The following GEMIN2 variants were observed in gnomAD, a reference collection of about 807,000 sequenced individuals.
GEMIN2 encodes the protein gem-associated protein 2.
In GEMIN2, 37 loss-of-function variants were observed where a neutral mutation model predicts 45.8. The ratio of observed to expected loss-of-function variants is 0.81; its 90% CI spans 0.62 to 1.06. The LOEUF is 1.06. Ranked by LOEUF, GEMIN2 falls within the 50% of genes least tolerant of loss-of-function variation. The pLI, the probability that GEMIN2 is intolerant of heterozygous loss-of-function variation, is 0.00. For missense variants in GEMIN2, 335 were observed against 321.8 expected (o/e 1.04, Z -0.31); for synonymous variants, 101 against 111.5 (o/e 0.91, Z 0.60).
Position 39,119,141 on chromosome 14 carries a change from A to G in GEMIN2, c.372+542A>G, listed in dbSNP as rs561115015. On this transcript the variant is annotated intron_variant, in intron 4 of 9. Coordinates refer to ENST00000308317, the MANE Select transcript of GEMIN2 (RefSeq NM_003616.3). Reference sequence around the variant, plus strand: ...GATAGGTGACTGTGAAACTTCCACAAGTTTTTAAGGATTCTTCTAGACATT... The same window carrying G: ...GATAGGTGACTGTGAAACTTCCACAGGTTTTTAAGGATTCTTCTAGACATT... Among the ~76,000 whole-genome samples the G allele has an allele frequency of 2.0e-5, 3 of 152,286 alleles. No homozygotes were observed. The East Asian group carries it at 5.8e-4, about 29-fold the overall frequency.
At chr14:39,119,772 C>T (rs549710642) in intron 4 of GEMIN2, among the ~76,000 whole-genome samples, 1 of 152,316 alleles carries the variant, frequency 6.6e-6, no homozygotes, top group East Asian at 1.9e-4. Flanking sequence ...GGAAGCTCTG[C>T]TCCAGGAAAA....
rs114465589 is a variant in GEMIN2, at chr14:39,122,331, C to T, written c.373-99C>T. On this transcript the variant is annotated intron_variant, in intron 4 of 9. Coordinates refer to ENST00000308317, the MANE Select transcript of GEMIN2 (RefSeq NM_003616.3). ...TAACTGGCTCCGTATCTTTGGGTTG[C>T]GGTAATGGGAATATGGAAGGACTTA... 5.0e-3 allele frequency: 3,185 copies of T among 635,250 alleles called. 71 individuals are homozygous for T. Among genetic ancestry groups the T allele is most frequent in the African/African-American group, 0.05 (2,670 of 53,288 alleles). The allele number at this position is 635,250 out of a possible 1,614,324, so 39.4% of individuals were successfully genotyped here.
Position 39,128,277 on chromosome 14 carries a change from TAG to T in GEMIN2, c.532-2_532-1del. The T allele has an allele frequency of 6.6e-7, 1 of 1,517,406 alleles. No individual in the cohort carries two copies. Among genetic ancestry groups the T allele is most frequent in the South Asian group, 1.2e-5 (1 of 85,544 alleles). 94.0% of individuals were successfully genotyped at this position (1,517,406 alleles called of 1,614,324 possible). ...CTTCTCCACCCCCTCTTTTTTTTTTTAGGCAACAGTAACTAGTGTCTTGGAAT... is the reference window on the plus strand; with the variant it reads ...CTTCTCCACCCCCTCTTTTTTTTTTTGCAACAGTAACTAGTGTCTTGGAAT... On this transcript the variant is annotated splice_acceptor_variant, in intron 6 of 9. Transcript: ENST00000308317. LOFTEE classifies it high-confidence loss of function.
Position 39,122,409 on chromosome 14 carries a change from GT to G in GEMIN2, c.373-8del, listed in dbSNP as rs60205535. On this transcript the variant is annotated intron_variant, in intron 4 of 9. Coordinates refer to ENST00000308317, the MANE Select transcript of GEMIN2 (RefSeq NM_003616.3). Reference sequence around the variant, plus strand: ...AAAATTAATACACAGGAATAAATCAGTTTTTTTTTTTTTCTTTTAGCCAAAA... The same window carrying G: ...AAAATTAATACACAGGAATAAATCAGTTTTTTTTTTTTCTTTTAGCCAAAA... 8,877 of 1,018,768 alleles carry G rather than the reference GT, an allele frequency of 8.7e-3. 2 individuals carry two copies. Among genetic ancestry groups the G allele is most frequent in the Middle Eastern group, 0.014 (61 of 4,386 alleles). The allele number at this position is 1,018,768 out of a possible 1,614,324, so 63.1% of individuals were successfully genotyped here.
In GEMIN2 at chr14:39,131,968, T is replaced by A; in HGVS notation, c.611T>A (p.Leu204His). 1 of 1,560,010 alleles carries A rather than the reference T, an allele frequency of 6.4e-7. No individual in the cohort carries two copies. Among genetic ancestry groups the A allele is most frequent in the Non-Finnish European group, 8.8e-7 (1 of 1,133,006 alleles). ...RDFTPELGRW[L>H]YALLACLEKP... ...TGAATTTTTTTTTAGGGAAGATGGC[T>A]TTATGCTTTATTGGCTTGTCTTGAA... Residue 204 changes from leucine to histidine, a missense_variant, in exon 8 of 10, where the codon CTT (leucine) becomes CAT (histidine). Coordinates refer to ENST00000308317, the MANE Select transcript of GEMIN2 (RefSeq NM_003616.3).
chr14:39,122,577 A>ATTTTAAT, intron 5 of GEMIN2, 34 bp downstream of exon 5: 1 of 1,156,124 alleles, frequency 8.6e-7, no homozygotes, highest in South Asian at 1.3e-5. Context: ...AACAAAAAGC[A>ATTTTAAT]TTTTAATTTT....
At chr14:39,125,792 C>A (rs1294535640) in intron 6 of GEMIN2, among the ~76,000 whole-genome samples, 2 of 151,970 alleles carry the variant, frequency 1.3e-5, no homozygotes, top group Non-Finnish European at 2.9e-5. Context: ...GAGGTCAAGG[C>A]AGGTGGATCA....
At chr14:39,125,530 C>G (rs2052628317) in intron 6 of GEMIN2, among the ~76,000 whole-genome samples, 1 of 151,940 alleles carries the variant, frequency 6.6e-6, no homozygotes, top group South Asian at 2.1e-4. Context: ...GTCTCGAACT[C>G]CTGGCCTCAA....
At chr14:39,126,051 G>T (rs2052637164) in intron 6 of GEMIN2, among the ~76,000 whole-genome samples, 1 of 151,340 alleles carries the variant, frequency 6.6e-6, no homozygotes, top group Non-Finnish European at 1.5e-5. Flanking sequence ...TGAAATATAT[G>T]ATTTCTTGGA....
At chr14:39,114,545 T>C in intron 1 of GEMIN2, 70 bp downstream of exon 1, 2 of 1,153,552 alleles carry the variant, frequency 1.7e-6, no homozygotes, top group African/African-American at 3.1e-5. Context: ...CTCGGTGCTC[T>C]ATTCCCGTTC....
Position 39,128,485 on chromosome 14 carries a change from C to CTTTTTTTTTTTTTTT in GEMIN2, c.600+146_600+160dup, listed in dbSNP as rs71130820. The stretch of plus-strand genomic sequence containing the variant: ...ACTGCACATTTTCTTTTTTTCTTTT[C>CTTTTTTTTTTTTTTT]TTTTTTTTTTTTTTTTTTTTTTTGA... On this transcript the variant is annotated intron_variant, in intron 7 of 9. Coordinates refer to ENST00000308317, the MANE Select transcript of GEMIN2 (RefSeq NM_003616.3). 1.0e-3 allele frequency: 155 copies of CTTTTTTTTTTTTTTT among 148,456 alleles called. 1 individual carries two copies. The highest frequency in any genetic ancestry group is 3.3e-3 in the African/African-American group (62 of 18,644). The allele number at this position is 148,456 out of a possible 1,614,324, so 9.2% of individuals were successfully genotyped here.
chr14:39,136,344 T>C lies in GEMIN2; in HGVS notation c.771-96T>C, dbSNP rs562731175. ...TATAGCTTATTTAACCAGTTTCTTATTGATGGACGTTTGGGTTGCTTATGG... is the reference window on the plus strand; with the variant it reads ...TATAGCTTATTTAACCAGTTTCTTACTGATGGACGTTTGGGTTGCTTATGG... On this transcript the variant is annotated intron_variant, in intron 9 of 9. Coordinates refer to ENST00000308317, the MANE Select transcript of GEMIN2 (RefSeq NM_003616.3). The C allele has an allele frequency of 4.3e-5, 30 of 704,828 alleles. No individual in the cohort carries two copies. The East Asian group carries it at 6.7e-4, about 16-fold the overall frequency. 43.7% of individuals were successfully genotyped at this position (704,828 alleles called of 1,614,324 possible). A position where few individuals can be genotyped will look rare whatever the true frequency, so the allele number is the denominator to read the frequency against.
intron 4 of GEMIN2, among the ~76,000 whole-genome samples, chr14:39,120,869 C>G (rs1459498078): frequency 6.6e-6 from 1 of 152,148 alleles, no homozygotes. Flanking sequence ...TCAGGTGATT[C>G]ATCCTAAGGA....
chr14:39,127,782 C>T (rs2052662679), intron 6 of GEMIN2, among the ~76,000 whole-genome samples: 1 of 152,052 alleles, frequency 6.6e-6, no homozygotes. Context: ...TTAAAAGCCT[C>T]ACTGGGGCTA....
At position 39,127,592 on chromosome 14, in the gene GEMIN2, G is replaced by C. The variant is rs188004561; in HGVS notation, c.532-688G>C. Reference sequence around the variant, plus strand: ...TGACATCAAGTGATCCACCTGCCTCGGCCTCCCAAAGTGCTGAGATTACTG... The same window carrying C: ...TGACATCAAGTGATCCACCTGCCTCCGCCTCCCAAAGTGCTGAGATTACTG... On this transcript the variant is annotated intron_variant, in intron 6 of 9. Transcript: ENST00000308317. 2.3e-3 allele frequency among the ~76,000 whole-genome samples: 353 copies of C among 151,880 alleles called. 4 individuals are homozygous for C. The highest frequency in any genetic ancestry group is 0.019 in the Admixed American group (290 of 15,234).
intron 2 of GEMIN2, 60 bp from the exon 3 acceptor site, chr14:39,117,939 G>T (rs1328454672): frequency 1.3e-6 from 1 of 782,496 alleles, no homozygotes; most frequent in Non-Finnish European, 2.2e-6. Flanking sequence ...CTTTGCAGAG[G>T]CATGAGATTC....
In GEMIN2 at chr14:39,136,805, T is replaced by C. The variant is rs941541068; in HGVS notation, c.*326T>C. 1 of 225,202 alleles carries C rather than the reference T, an allele frequency of 4.4e-6. No individual in the cohort carries two copies. The highest frequency in any genetic ancestry group is 2.3e-5 in the African/African-American group (1 of 43,414). The allele number at this position is 225,202 out of a possible 1,614,324, so 14.0% of individuals were successfully genotyped here. On this transcript the variant is annotated 3_prime_UTR_variant, in exon 10 of 10. Transcript: ENST00000308317. ...TTTTTTGTTTTTTGTTGTTTTGTTA[T>C]TTACTTATATACATATAAAATTTTA...
At chr14:39,119,104 T>TG (rs1211015780) in intron 4 of GEMIN2, among the ~76,000 whole-genome samples, 24 of 152,230 alleles carry the variant, frequency 1.6e-4, no homozygotes, top group African/African-American at 5.5e-4. Flanking sequence ...CACAATATCT[T>TG]GGGGGACTTT....
chr14:39,117,664 C>A (rs998620902), intron 2 of GEMIN2, among the ~76,000 whole-genome samples: 2 of 152,094 alleles, frequency 1.3e-5, no homozygotes, highest in African/African-American at 4.8e-5. Context: ...GTATATCTCT[C>A]TTTTTGTTTC....
Sources: gnomAD v4.1 joint callset for allele counts (sites outside exome capture counted in the v4.1 genomes callset) on GRCh38, gnomAD v4.1.1 for gene constraint, MANE v1.5 for transcripts, NCBI Gene and HGNC (gene_info 2026-07-23, HGNC 2026-07-21) for gene names.